RUSC2: variants seen among roughly 807,000 people sequenced by gnomAD.
The protein encoded by RUSC2 is RUN and SH3 domain containing 2.
A neutral mutation model predicts 122.2 loss-of-function variants in RUSC2; 34 were observed. The observed-to-expected ratio is 0.28, with a 90% confidence interval of 0.21 to 0.37. The LOEUF is 0.37. RUSC2 is among the 10% of genes least tolerant of loss of function. The pLI is 1.00. For missense variants in RUSC2, 1,747 were observed against 1,952.4 expected (o/e 0.89, Z 1.98); for synonymous variants, 784 against 790.0 (o/e 0.99, Z 0.13).
intron 1 of RUSC2, among the ~76,000 whole-genome samples, chr9:35,492,637 A>G (rs1820589469): frequency 6.6e-6 from 1 of 151,822 alleles, no homozygotes; most frequent in Non-Finnish European, 1.5e-5. Context: ...ATAACTCAGC[A>G]GAACCTGTGC....
At chr9:35,532,187 G>A (rs952526142) in intron 1 of RUSC2, among the ~76,000 whole-genome samples, 8 of 152,088 alleles carry the variant, frequency 5.3e-5, no homozygotes, top group African/African-American at 1.9e-4. Context: ...TTTAAAAATC[G>A]ATTTGGTTTT....
chr9:35,510,277 C>T (rs1299680348), intron 1 of RUSC2, among the ~76,000 whole-genome samples: 1 of 152,010 alleles, frequency 6.6e-6, no homozygotes. Flanking sequence ...TTTGGGAGGC[C>T]GAGGTGGGAG....
chr9:35,552,406 C>T (rs184634239), intron 2 of RUSC2, among the ~76,000 whole-genome samples: 20 of 152,172 alleles, frequency 1.3e-4, no homozygotes, highest in Non-Finnish European at 2.4e-4. Flanking sequence ...GCAGCTGAGA[C>T]GGCTCTTTGA....
rs904007686 is a variant in RUSC2, at chr9:35,561,357, C to G, written c.4526C>G (p.Pro1509Arg). The change falls in exon 12 of 12, where the codon CCA becomes CGA. Residue 1509 changes from proline to arginine, a missense_variant. Physicochemically the swap from Pro to Arg is moderately radical, Grantham distance 103. Transcript: ENST00000361226. ...AYVTLTPTPS[P>R]TPGSSQN ...GTGACATTGACCCCAACTCCAAGTCCAACCCCTGGAAGCAGCCAAAACTGA... is the reference window on the plus strand; with the variant it reads ...GTGACATTGACCCCAACTCCAAGTCGAACCCCTGGAAGCAGCCAAAACTGA... 6.2e-7 allele frequency: 1 copy of G among 1,613,314 alleles called. No homozygotes were observed. The highest frequency in any genetic ancestry group is 1.3e-5 in the African/African-American group (1 of 74,916).
rs201053580 is a variant in RUSC2, at chr9:35,546,786, C to A, written c.265C>A (p.Arg89=). 9.3e-6 allele frequency: 15 copies of A among 1,608,496 alleles called. No homozygotes were observed. The highest frequency in any genetic ancestry group is 1.7e-4 in the Middle Eastern group (1 of 6,040). Residue 89 remains arginine (R), a synonymous_variant, in exon 2 of 12, where the codon CGG becomes AGG. Transcript: ENST00000361226. The surrounding 1 kb of genome is among the most constrained non-coding windows in gnomAD (Gnocchi z 4.3). The stretch of plus-strand genomic sequence containing the variant: ...TATAGACAGCACCAAGAGTAGGAGT[C>A]GGGATGGAAGAGGCCCTGGAGCCCC... The part of the protein sequence containing the change: ...RSIDSTKSRS[R]DGRGPGAPKR...
intron 1 of RUSC2, among the ~76,000 whole-genome samples, chr9:35,502,625 T>G (rs911188986): frequency 6.6e-6 from 1 of 152,190 alleles, no homozygotes; most frequent in Admixed American, 6.5e-5. Flanking sequence ...AGATGAAATA[T>G]ATGCTCACTG....
intron 1 of RUSC2, among the ~76,000 whole-genome samples, chr9:35,527,322 A>G (rs1587849847): frequency 6.6e-6 from 1 of 151,652 alleles, no homozygotes; most frequent in Non-Finnish European, 1.5e-5. Context: ...GCTTGCTTGC[A>G]TATGTATGTA....
rs932001070 is a variant in RUSC2, at chr9:35,546,075, GT to G, written c.-92-348del. On this transcript the variant is annotated intron_variant, in intron 1 of 11. Transcript: ENST00000361226. The surrounding 1 kb of genome is among the most constrained non-coding windows in gnomAD (Gnocchi z 4.3). ...TTTCTTAATTGTGTCATTATTCATAGTTTTTTTGTGCTAAGGACTGGTCATT... is the reference window on the plus strand; with the variant it reads ...TTTCTTAATTGTGTCATTATTCATAGTTTTTTGTGCTAAGGACTGGTCATT... Among the ~76,000 whole-genome samples the G allele has an allele frequency of 2.0e-5, 3 of 152,120 alleles. No individual in the cohort carries two copies. The East Asian group carries it at 5.8e-4, about 29-fold the overall frequency.
chr9:35,546,229 A>C lies in RUSC2; in HGVS notation c.-92-201A>C, dbSNP rs1415022370. On this transcript the variant is annotated intron_variant, in intron 1 of 11. Coordinates refer to ENST00000361226, the MANE Select transcript of RUSC2 (RefSeq NM_014806.5). The surrounding 1 kb of genome is among the most constrained non-coding windows in gnomAD (Gnocchi z 4.3). ...CATAGTGACCTTAAAATTAAGGGGGACCTCAGGTGCTGCACCTGTGCAATG... is the reference window on the plus strand; with the variant it reads ...CATAGTGACCTTAAAATTAAGGGGGCCCTCAGGTGCTGCACCTGTGCAATG... Among the ~76,000 whole-genome samples the C allele has an allele frequency of 6.6e-6, 1 of 152,098 alleles. No homozygotes were observed. Among genetic ancestry groups the C allele is most frequent in the Non-Finnish European group, 1.5e-5 (1 of 68,016 alleles).
intron 1 of RUSC2, among the ~76,000 whole-genome samples, chr9:35,508,899 T>C (rs1355132322): frequency 6.6e-6 from 1 of 152,144 alleles, no homozygotes; most frequent in East Asian, 1.9e-4. Context: ...AATATGAGTC[T>C]ACAAATTGAA....
chr9:35,510,821 G>T (rs1399548230), intron 1 of RUSC2, among the ~76,000 whole-genome samples: 1 of 152,224 alleles, frequency 6.6e-6, no homozygotes, highest in Admixed American at 6.5e-5. Context: ...GGGCCCCTAG[G>T]GCTTGATGCC....
At chr9:35,530,153 T>C (rs1247586982) in intron 1 of RUSC2, among the ~76,000 whole-genome samples, 1 of 152,178 alleles carries the variant, frequency 6.6e-6, no homozygotes, top group Admixed American at 6.5e-5. Context: ...GGTTTCACCA[T>C]GTTGCCGAGG....
intron 2 of RUSC2, 71 bp from the exon 3 acceptor site, chr9:35,554,989 T>C (rs774946327): frequency 8.8e-5 from 138 of 1,573,642 alleles, no homozygotes; most frequent in Middle Eastern, 5.0e-4. Context: ...CTCCCATCTC[T>C]GCTTCTGGGT....
Position 35,515,999 on chromosome 9 carries a change from CAAAAAA to C in RUSC2, c.-93+25846_-93+25851del, listed in dbSNP as rs544797957. Among the ~76,000 whole-genome samples, 92 of 47,200 alleles carry C rather than the reference CAAAAAA, an allele frequency of 1.9e-3. 1 individual carries two copies. The highest frequency in any genetic ancestry group is 6.9e-3 in the African/African-American group (70 of 10,110). The allele number at this position is 47,200 out of a possible 152,430, so 31.0% of individuals were successfully genotyped here. A position where few individuals can be genotyped will look rare whatever the true frequency, so the allele number is the denominator to read the frequency against. On this transcript the variant is annotated intron_variant, in intron 1 of 11. Transcript: ENST00000361226. ...GAGCGACACAGCGAGATTCTTGTCT[CAAAAAA>C]AAAAAAAAAAAAAAAAAAGAGAAAT...
At chr9:35,503,980 G>A (rs1002191900) in intron 1 of RUSC2, among the ~76,000 whole-genome samples, 5 of 151,980 alleles carry the variant, frequency 3.3e-5, no homozygotes, top group Admixed American at 6.6e-5. Flanking sequence ...TTACCATGTC[G>A]CCCAGGGTGG....
rs776742894 is a variant in RUSC2 at position 35,555,447 on chromosome 9, G to C, written c.2402G>C (p.Cys801Ser). The change falls in exon 3 of 12, where the codon TGC (cysteine) becomes TCC (serine). Residue 801 changes from cysteine to serine, a missense_variant. Physicochemically the swap from Cys to Ser is moderately radical, Grantham distance 112. Coordinates refer to ENST00000361226, the MANE Select transcript of RUSC2 (RefSeq NM_014806.5). The surrounding 1 kb of genome is among the most constrained non-coding windows in gnomAD (Gnocchi z 4.6). ...ACTGACTCTTCTGCCTCCACTTCGT[G>C]CTCCCCTCCCCCAGAGCAGCCCACA... The part of the protein sequence containing the change: ...PSTDSSASTS[C>S]SPPPEQPTAT... 6.2e-7 allele frequency: 1 copy of C among 1,614,186 alleles called. No homozygotes were observed. The highest frequency in any genetic ancestry group is 8.5e-7 in the Non-Finnish European group (1 of 1,180,028).
chr9:35,560,033 C>T lies in RUSC2; in HGVS notation c.3393C>T (p.Ile1131=), dbSNP rs371744849. ...WFNHLYNHED[I]IQTHYQPWGF... ...TCCCTCTCTCTTTTCCCCTAGACAT[C>T]ATCCAGACCCACTACCAGCCCTGGG... Residue 1131 remains isoleucine (I), a synonymous_variant, in exon 10 of 12, where the codon ATC becomes ATT. Transcript: ENST00000361226. The T allele has an allele frequency of 1.9e-6, 3 of 1,591,578 alleles. No homozygotes were observed. Among genetic ancestry groups the T allele is most frequent in the Non-Finnish European group, 2.6e-6 (3 of 1,163,886 alleles).
chr9:35,498,138 C>T (rs1436172664), intron 1 of RUSC2, among the ~76,000 whole-genome samples: 1 of 144,176 alleles, frequency 6.9e-6, no homozygotes, highest in African/African-American at 2.6e-5. Context: ...AACCTTGGAA[C>T]AGAGATAATT....
chr9:35,502,743 A>G (rs1820839628), intron 1 of RUSC2, among the ~76,000 whole-genome samples: 1 of 152,240 alleles, frequency 6.6e-6, no homozygotes, highest in South Asian at 2.1e-4. Context: ...AATGAGCCAT[A>G]ACTTGCTTAC....
Sources: gnomAD v4.1 joint callset for allele counts (sites outside exome capture counted in the v4.1 genomes callset) on GRCh38, gnomAD v4.1.1 for gene constraint, Gnocchi (gnomAD v3.1) non-coding constraint, MANE v1.5 for transcripts, NCBI Gene and HGNC (gene_info 2026-07-23, HGNC 2026-07-21) for gene names.